Variants in ZCCHC7 observed in about 807,000 individuals in gnomAD.
The protein encoded by ZCCHC7 is zinc finger CCHC domain-containing protein 7.
ZCCHC7 carries 35 observed loss-of-function variants against 52.0 expected under a neutral mutation model. That is an observed-to-expected ratio of 0.67 (90% CI 0.51 to 0.89). The LOEUF is 0.89. Among genes scored for constraint, ZCCHC7 ranks in the 40% least tolerant of loss-of-function variants. The pLI is 0.00. For synonymous variants in ZCCHC7, 217 were observed against 221.5 expected (o/e 0.98, Z 0.18); for missense variants, 574 against 649.1 (o/e 0.88, Z 1.26).
rs542840825 is a variant in ZCCHC7, at chr9:37,243,627, C to T, written c.611-58561C>T. Among the ~76,000 whole-genome samples, 3 of 151,932 alleles carry T rather than the reference C, an allele frequency of 2.0e-5. No homozygotes were observed. The South Asian group carries it at 6.2e-4, about 32-fold the overall frequency. On this transcript the variant is annotated intron_variant, in intron 2 of 8. Transcript: ENST00000336755. Reference sequence around the variant, plus strand: ...TATATACACACATACTAAACTCTTACAAAGCCAGGGAACAACTATTCAAAC... The same window carrying T: ...TATATACACACATACTAAACTCTTATAAAGCCAGGGAACAACTATTCAAAC...
At chr9:37,201,114 TAGTGAG>T (rs1214888903) in intron 2 of ZCCHC7, among the ~76,000 whole-genome samples, 2 of 152,218 alleles carry the variant, frequency 1.3e-5, no homozygotes, top group Non-Finnish European at 2.9e-5. Flanking sequence ...AAGAAGATAT[TAGTGAG>T]AGTCTAGTTT....
intron 6 of ZCCHC7, among the ~76,000 whole-genome samples, chr9:37,346,930 A>T (rs1484892658): frequency 6.6e-6 from 1 of 152,174 alleles, no homozygotes; most frequent in Non-Finnish European, 1.5e-5. Context: ...TGGGAGGTCG[A>T]GGCTGCAGTG....
chr9:37,256,167 T>A (rs191195829), intron 2 of ZCCHC7, among the ~76,000 whole-genome samples: 135 of 152,236 alleles, frequency 8.9e-4, no homozygotes, highest in Non-Finnish European at 2.5e-4. Context: ...TCAGCAGAAT[T>A]TATAAATTAT....
intron 2 of ZCCHC7, among the ~76,000 whole-genome samples, chr9:37,286,455 TGA>T (rs1183204372): frequency 6.6e-6 from 1 of 151,936 alleles, no homozygotes; most frequent in Non-Finnish European, 1.5e-5. Context: ...ATCAGGAGCT[TGA>T]GACCAGCCTG....
chr9:37,196,482 A>G (rs1823292763), intron 2 of ZCCHC7, among the ~76,000 whole-genome samples: 1 of 152,200 alleles, frequency 6.6e-6, no homozygotes, highest in Non-Finnish European at 1.5e-5. Context: ...GACCTGATGC[A>G]AAGAAAAAGG....
chr9:37,142,576 A>G (rs926302611), intron 2 of ZCCHC7, among the ~76,000 whole-genome samples: 4 of 151,798 alleles, frequency 2.6e-5, no homozygotes, highest in Admixed American at 2.0e-4. Flanking sequence ...TCAAAAAGCA[A>G]TTTCTTTTAA....
intron 6 of ZCCHC7, among the ~76,000 whole-genome samples, 199 bp from the exon 7 acceptor site, chr9:37,349,158 C>T (rs374467331): frequency 1.3e-5 from 2 of 152,204 alleles, no homozygotes; most frequent in African/African-American, 4.8e-5. Context: ...GAGAGGGAAG[C>T]ACACATTGAC....
rs567780510 is a variant in ZCCHC7 at position 37,347,245 on chromosome 9, C to G, written c.988-2112C>G. On this transcript the variant is annotated intron_variant, in intron 6 of 8. Coordinates refer to ENST00000336755, the MANE Select transcript of ZCCHC7 (RefSeq NM_032226.3). ...ATCTCCATTATCTTTCCCAGATGTT[C>G]AAGTCTTTCCCATTCTATAAACAGA... is the stretch of plus-strand genomic sequence containing the variant. Among the ~76,000 whole-genome samples, 4 of 152,120 alleles carry G rather than the reference C, an allele frequency of 2.6e-5. No individual in the cohort carries two copies. In the East Asian group the frequency reaches 7.7e-4, roughly 29 times the overall value.
At chr9:37,144,884 C>T (rs1403287475) in intron 2 of ZCCHC7, 1 of 152,102 alleles carries the variant, frequency 6.6e-6, no homozygotes, top group East Asian at 1.9e-4. Flanking sequence ...CAGTTGAAAA[C>T]AGGCCTCAGA....
intron 2 of ZCCHC7, among the ~76,000 whole-genome samples, chr9:37,163,385 C>CAAAAAAAAAAA (rs1022187626): frequency 1.3e-5 from 1 of 77,158 alleles, no homozygotes; most frequent in Non-Finnish European, 2.6e-5. Context: ...GACTCCATCT[C>CAAAAAAAAAAA]AAAAAAAAAA....
rs946194514 is a variant in ZCCHC7 at position 37,142,345 on chromosome 9, C to G, written c.610+15403C>G. Among the ~76,000 whole-genome samples the G allele has an allele frequency of 1.8e-4, 27 of 151,622 alleles. 1 individual carries two copies. Among genetic ancestry groups the G allele is most frequent in the African/African-American group, 6.0e-4 (25 of 41,364 alleles). ...TGTCTAAAATGCTCTTTCTGCATAT[C>G]TGTTAAGGACTTTGGGAATTGGGGT... On this transcript the variant is annotated intron_variant, in intron 2 of 8. Transcript: ENST00000336755.
intron 2 of ZCCHC7, among the ~76,000 whole-genome samples, chr9:37,253,061 A>C (rs1826406775): frequency 6.6e-6 from 1 of 152,138 alleles, no homozygotes; most frequent in African/African-American, 2.4e-5. Flanking sequence ...TATTCCCATA[A>C]ATAAGAACAT....
At chr9:37,215,349 T>C (rs1824448612) in intron 2 of ZCCHC7, among the ~76,000 whole-genome samples, 1 of 152,164 alleles carries the variant, frequency 6.6e-6, no homozygotes, top group Admixed American at 6.5e-5. Context: ...GAATGAAGGC[T>C]AATTACCTCA....
At chr9:37,167,476 C>A (rs1821488880) in intron 2 of ZCCHC7, among the ~76,000 whole-genome samples, 1 of 152,068 alleles carries the variant, frequency 6.6e-6, no homozygotes, top group Non-Finnish European at 1.5e-5. Context: ...ATAGTTGTAA[C>A]AATGGTTTTA....
At chr9:37,227,113 A>G (rs921663354) in intron 2 of ZCCHC7, among the ~76,000 whole-genome samples, 1 of 152,138 alleles carries the variant, frequency 6.6e-6, no homozygotes, top group African/African-American at 2.4e-5. Context: ...AGCTATAAAA[A>G]GAAAAATATA....
intron 2 of ZCCHC7, among the ~76,000 whole-genome samples, chr9:37,229,460 C>G (rs934430360): frequency 6.6e-6 from 1 of 152,048 alleles, no homozygotes; most frequent in Non-Finnish European, 1.5e-5. Context: ...CATATGATAT[C>G]CTATTGCTCC....
intron 2 of ZCCHC7, among the ~76,000 whole-genome samples, chr9:37,237,647 G>T (rs1825712035): frequency 6.6e-6 from 1 of 152,138 alleles, no homozygotes; most frequent in Admixed American, 6.5e-5. Flanking sequence ...TTGGCATCTA[G>T]GTTAGAATGG....
chr9:37,126,731 C>A lies in ZCCHC7; in HGVS notation c.399C>A (p.Cys133Ter). The change falls in exon 2 of 9, where the codon TGC becomes TGA. Residue 133 changes from cysteine to a stop codon, truncating the protein, a stop_gained. Transcript: ENST00000336755. LOFTEE classifies it high-confidence loss of function. The part of the protein sequence containing the change: ...LQSNELVDKK[C>*]KSDIEKPKSE... ...CTAATGAGCTGGTTGATAAGAAATG[C>A]AAGAGTGATATTGAGAAGCCTAAAT... is the stretch of plus-strand genomic sequence containing the variant. The A allele has an allele frequency of 6.2e-7, 1 of 1,614,070 alleles. No homozygotes were observed.
intron 2 of ZCCHC7, among the ~76,000 whole-genome samples, chr9:37,196,055 T>G (rs182285057): frequency 6.6e-6 from 1 of 152,190 alleles, no homozygotes; most frequent in Non-Finnish European, 1.5e-5. Flanking sequence ...GAAGGAATTA[T>G]GAGGGTACTT....
Sources: allele counts gnomAD v4.1 joint callset (sites outside exome capture counted in the v4.1 genomes callset), GRCh38; gene constraint gnomAD v4.1.1; transcripts MANE v1.5; gene names NCBI Gene and HGNC (gene_info 2026-07-23, HGNC 2026-07-21).